The following NCKAP1 variants were observed in gnomAD, a reference collection of about 807,000 sequenced individuals.
The protein encoded by NCKAP1 is NCK associated protein 1.
Under a neutral mutation model 151.2 loss-of-function variants are expected in NCKAP1, and 21 were observed. The ratio of observed to expected loss-of-function variants is 0.14; its 90% CI spans 0.10 to 0.20. The LOEUF (loss-of-function observed/expected upper bound fraction) is 0.20, where lower values mean the gene tolerates loss of function less well. Among genes scored for constraint, NCKAP1 ranks in the 10% least tolerant of loss-of-function variants. The probability of loss-of-function intolerance (pLI) is 1.00; values close to 1 mark genes in which losing one functional copy is unlikely to be tolerated. For missense variants in NCKAP1, 933 were observed against 1,352.1 expected, an observed-to-expected ratio of 0.69 and a Z score of 4.86; for synonymous variants, 484 against 451.8, an observed-to-expected ratio of 1.07 and a Z score of -0.90.
intron 1 of NCKAP1, among the ~76,000 whole-genome samples, chr2:183,028,545 G>A (rs1236580177): frequency 6.6e-6 from 1 of 152,020 alleles, no homozygotes; most frequent in Non-Finnish European, 1.5e-5. Context: ...CTTGTCTCTT[G>A]GGTCAAGTGC....
At position 182,925,628 on chromosome 2, in the gene NCKAP1, TA is replaced by T. The variant is rs1696627877; in HGVS notation, c.*73del. The T allele has an allele frequency of 2.3e-5, 17 of 745,606 alleles. No homozygotes were observed. In the South Asian group the frequency reaches 4.2e-4, roughly 19 times the overall value. 46.2% of individuals were successfully genotyped at this position (745,606 alleles called of 1,614,324 possible). A position where few individuals can be genotyped will look rare whatever the true frequency, so the allele number is the denominator to read the frequency against. On this transcript the variant is annotated 3_prime_UTR_variant, in exon 31 of 31. Coordinates refer to ENST00000361354, the MANE Select transcript of NCKAP1 (RefSeq NM_013436.5). Reference sequence around the variant, plus strand: ...CACAAAACTTTTTCAGGTCTTAAGGTAAAATAGTTCCACAGTCTACAGGTAA... The same window carrying T: ...CACAAAACTTTTTCAGGTCTTAAGGTAAATAGTTCCACAGTCTACAGGTAA...
chr2:182,934,833 C>A lies in NCKAP1; in HGVS notation c.2779-1G>T. ...GAAAAGGAATGTGGTAGGATAAGAC[C>A]TAGGCAGGATAACAAATAAGAATAC... On this transcript the variant is annotated splice_acceptor_variant, in intron 25 of 30. Transcript: ENST00000361354. LOFTEE classifies it high-confidence loss of function. 1.5e-6 allele frequency: 2 copies of A among 1,354,114 alleles called. No homozygotes were observed. Among genetic ancestry groups the A allele is most frequent in the Non-Finnish European group, 2.1e-6 (2 of 965,738 alleles). 83.9% of individuals were successfully genotyped at this position (1,354,114 alleles called of 1,614,324 possible).
Position 182,926,910 on chromosome 2 carries a change from A to G in NCKAP1, c.3181-5T>C, listed in dbSNP as rs1559068514. The G allele has an allele frequency of 6.3e-7, 1 of 1,577,146 alleles. No homozygotes were observed. The highest frequency in any genetic ancestry group is 8.7e-7 in the Non-Finnish European group (1 of 1,151,250). On this transcript the variant is annotated splice_polypyrimidine_tract_variant and splice_region_variant and intron_variant, in intron 29 of 30. Coordinates refer to ENST00000361354, the MANE Select transcript of NCKAP1 (RefSeq NM_013436.5). ...CAGTAGACTGGAGGATGCAAGCTTA[A>G]AAGTATACATACACATAAAGTGAGT... is the stretch of plus-strand genomic sequence containing the variant.
At chr2:183,003,654 A>G (rs187048674) in intron 2 of NCKAP1, among the ~76,000 whole-genome samples, 1 of 152,182 alleles carries the variant, frequency 6.6e-6, no homozygotes, top group Non-Finnish European at 1.5e-5. Context: ...ACATTACTAG[A>G]AGTGGGAGAA....
At chr2:182,932,271 G>A (rs1309431196) in intron 26 of NCKAP1, among the ~76,000 whole-genome samples, 1 of 151,778 alleles carries the variant, frequency 6.6e-6, no homozygotes, top group Non-Finnish European at 1.5e-5. Flanking sequence ...CCCATACAAT[G>A]AAACATTATT....
In NCKAP1 at chr2:182,991,959, A is replaced by G. The variant is rs765002702; in HGVS notation, c.791-2773T>C. Among the ~76,000 whole-genome samples, 67 of 152,210 alleles carry G rather than the reference A, an allele frequency of 4.4e-4. 1 individual carries two copies. The highest frequency in any genetic ancestry group is 1.8e-3 in the Admixed American group (27 of 15,268). On this transcript the variant is annotated intron_variant, in intron 8 of 30. Coordinates refer to ENST00000361354, the MANE Select transcript of NCKAP1 (RefSeq NM_013436.5). ...TTCTAGGTCCTGCACAACTCTTAGC[A>G]TCGGGCTATAATCTAGAGCAGTGAT...
intron 1 of NCKAP1, among the ~76,000 whole-genome samples, chr2:183,035,695 T>C (rs909954425): frequency 2.6e-5 from 4 of 152,184 alleles, no homozygotes; most frequent in Admixed American, 2.0e-4. Flanking sequence ...TGGGAAGATA[T>C]GCCAGACTCA....
rs972472008 is a variant in NCKAP1 at position 182,916,275 on chromosome 2, G to A, written c.*9427C>T. ...CTGTATCTCTGATGCTTCTCCACAG[G>A]AACAAAAAGAAACAGAACCACTTGT... is the stretch of plus-strand genomic sequence containing the variant. On this transcript the variant is annotated 3_prime_UTR_variant, in exon 31 of 31. Transcript: ENST00000361354. 6.6e-6 allele frequency: 1 copy of A among 151,622 alleles called. No individual in the cohort carries two copies. The highest frequency in any genetic ancestry group is 2.4e-5 in the African/African-American group (1 of 41,244). 9.4% of individuals were successfully genotyped at this position (151,622 alleles called of 1,614,324 possible). A position where few individuals can be genotyped will look rare whatever the true frequency, so the allele number is the denominator to read the frequency against.
At chr2:183,002,864 T>C (rs778366678) in intron 4 of NCKAP1, 110 bp downstream of exon 4, 8 of 707,040 alleles carry the variant, frequency 1.1e-5, no homozygotes, top group African/African-American at 1.8e-5. Flanking sequence ...AAATTAATAA[T>C]GCTAAAACTT....
intron 20 of NCKAP1, among the ~76,000 whole-genome samples, chr2:182,953,776 C>A (rs1006624058): frequency 6.6e-6 from 1 of 151,424 alleles, no homozygotes; most frequent in Non-Finnish European, 1.5e-5. Flanking sequence ...CCAGCCTGGG[C>A]AACAGAGTGA....
intron 2 of NCKAP1, among the ~76,000 whole-genome samples, chr2:183,010,067 CAA>C (rs993595746): frequency 5.3e-5 from 8 of 152,246 alleles, no homozygotes; most frequent in African/African-American, 1.7e-4. Context: ...CTGGAATGCA[CAA>C]AGAGTTTTCT....
intron 8 of NCKAP1, among the ~76,000 whole-genome samples, chr2:182,993,662 G>A (rs11903791): frequency 0.027 from 4,101 of 152,112 alleles, 180 homozygotes; most frequent in African/African-American, 0.094. Context: ...CTTATAAGGG[G>A]AGCTAAACAC....
In NCKAP1 at chr2:182,994,866, A is replaced by T; in HGVS notation, c.763T>A (p.Leu255Met). The T allele has an allele frequency of 6.2e-7, 1 of 1,607,070 alleles. No homozygotes were observed. Among genetic ancestry groups the T allele is most frequent in the Non-Finnish European group, 8.5e-7 (1 of 1,173,762 alleles). Reference protein sequence around the residue: ...SDTMPCEYLSLDAMEKWIIFG... With the variant: ...SDTMPCEYLSMDAMEKWIIFG... ...ATAATCCACTTTTCCATTGCATCCAAAGAGAGGTATTCACAAGGCATCTTA... is the reference window on the plus strand; with the variant it reads ...ATAATCCACTTTTCCATTGCATCCATAGAGAGGTATTCACAAGGCATCTTA... Residue 255 changes from leucine to methionine, a missense_variant, in exon 8 of 31, where the codon TTG (leucine) becomes ATG (methionine). By Grantham distance (15) the Leu-to-Met change is conservative. Around this residue, in one of 2 missense-constraint regions of NCKAP1, gnomAD observed 607 missense variants for 795.0 expected, o/e 0.76. Coordinates refer to ENST00000361354, the MANE Select transcript of NCKAP1 (RefSeq NM_013436.5).
chr2:182,981,704 T>A (rs1169793448), intron 12 of NCKAP1, among the ~76,000 whole-genome samples: 1 of 151,344 alleles, frequency 6.6e-6, no homozygotes, highest in Non-Finnish European at 1.5e-5. Context: ...AGGTCAGGGG[T>A]TCAAAACCAG....
intron 16 of NCKAP1, among the ~76,000 whole-genome samples, chr2:182,965,217 CCT>C (rs896945609): frequency 6.6e-6 from 1 of 151,506 alleles, no homozygotes; most frequent in Non-Finnish European, 1.5e-5. Context: ...GTGGTGAAAC[CCT>C]GTCTCTATTT....
At chr2:183,009,475 G>GAAGGAAGGAGGGAAGGAAGC (rs1485338665) in intron 2 of NCKAP1, among the ~76,000 whole-genome samples, 1 of 100,226 alleles carries the variant, frequency 1.0e-5, no homozygotes, top group Admixed American at 9.8e-5. Context: ...AGGAAGGAAG[G>GAAGGAAGGAGGGAAGGAAGC]AAGCAAGCAA....
At chr2:183,009,475 G>GAAGGTAGC (rs1485338665) in intron 2 of NCKAP1, among the ~76,000 whole-genome samples, 6 of 100,222 alleles carry the variant, frequency 6.0e-5, no homozygotes, top group African/African-American at 1.2e-4. Flanking sequence ...AGGAAGGAAG[G>GAAGGTAGC]AAGCAAGCAA....
Position 183,009,471 on chromosome 2 carries a change from GAAGGAAGC to G in NCKAP1, c.220-6154_220-6147del, listed in dbSNP as rs1175812532. 4.1e-3 allele frequency among the ~76,000 whole-genome samples: 378 copies of G among 92,096 alleles called. 1 individual carries two copies. The highest frequency in any genetic ancestry group is 7.0e-3 in the Non-Finnish European group (294 of 41,806). 60.4% of individuals were successfully genotyped at this position (92,096 alleles called of 152,430 possible). A position where few individuals can be genotyped will look rare whatever the true frequency, so the allele number is the denominator to read the frequency against. On this transcript the variant is annotated intron_variant, in intron 2 of 30. Transcript: ENST00000361354. ...GGAAGGAAGGAAGGAAGGAAGGAAG[GAAGGAAGC>G]AAGCAAGCAAGCAGGCAAGCAAGCA...
rs749387596 is a variant in NCKAP1, at chr2:183,038,009, G to T, written c.91C>A (p.Leu31Ile). 2.5e-5 allele frequency: 39 copies of T among 1,580,600 alleles called. No homozygotes were observed. The highest frequency in any genetic ancestry group is 3.2e-5 in the Non-Finnish European group (38 of 1,170,256). Residue 31 changes from leucine (L) to isoleucine (I), a missense_variant, in exon 1 of 31, where the codon CTC becomes ATC. This residue lies in a region of NCKAP1 where 607 missense variants were observed against 795.0 expected (regional missense o/e 0.76). Transcript: ENST00000361354. The part of the protein sequence containing the change: ...NDRGVGMLTR[L>I]YNIKKACGDP... ...GTGCGCACCTTCTTGATGTTGTAGA[G>T]GCGGGTGAGCATGCCGACGCCCCGG...
Sources: gnomAD v4.1 joint callset for allele counts (sites outside exome capture counted in the v4.1 genomes callset) on GRCh38, gnomAD v4.1.1 for gene constraint, gnomAD v4.1.1 regional missense constraint, MANE v1.5 for transcripts, NCBI Gene and HGNC (gene_info 2026-07-23, HGNC 2026-07-21) for gene names.